ABCC11: variants seen among roughly 807,000 people sequenced by gnomAD.
ABCC11 encodes the protein ATP-binding cassette sub-family C member 11.
In ABCC11, 135 loss-of-function variants were observed where a neutral mutation model predicts 149.3. The observed-to-expected ratio is 0.90, with a 90% CI of 0.79 to 1.04. ABCC11 has a LOEUF of 1.04. Ranked by LOEUF, ABCC11 falls within the 50% of genes least tolerant of loss-of-function variation. ABCC11 has a pLI of 0.00. For missense variants in ABCC11, 1,680 were observed against 1,722.1 expected (o/e 0.98, Z 0.43); for synonymous variants, 665 against 671.4 (o/e 0.99, Z 0.15).
At chr16:48,176,340 A>T (rs548801860) in intron 25 of ABCC11, among the ~76,000 whole-genome samples, 2 of 152,222 alleles carry the variant, frequency 1.3e-5, no homozygotes, top group South Asian at 4.2e-4. Flanking sequence ...AAAGAGGCAG[A>T]GGGAGGGGGA....
intron 6 of ABCC11, among the ~76,000 whole-genome samples, chr16:48,216,913 A>T (rs1452985259): frequency 6.6e-6 from 1 of 152,194 alleles, no homozygotes; most frequent in Non-Finnish European, 1.5e-5. Flanking sequence ...AGATCACTGC[A>T]TATACACAAG....
rs1299235495 is a variant in ABCC11, at chr16:48,176,945, T to C, written c.3517A>G (p.Ile1173Val). Residue 1173 changes from isoleucine to valine, a missense_variant, in exon 25 of 30, where the codon ATC (isoleucine) becomes GTC (valine). Transcript: ENST00000356608. ...TCACCAGAGCCCGTCCTTCCCACGA[T>C]GCCCACCACTTCGTGGCCGCGGATG... The part of the protein sequence containing the change: ...LTIRGHEVVG[I>V]VGRTGSGKSS... 1.9e-6 allele frequency: 3 copies of C among 1,613,882 alleles called. No homozygotes were observed. The highest frequency in any genetic ancestry group is 2.5e-6 in the Non-Finnish European group (3 of 1,180,012).
intron 23 of ABCC11, among the ~76,000 whole-genome samples, chr16:48,179,700 A>G (rs1244003972): frequency 6.6e-6 from 1 of 152,230 alleles, no homozygotes. Context: ...GAAGCCCTGG[A>G]GTGCCACTGG....
At chr16:48,170,748 A>G in intron 27 of ABCC11, 141 bp downstream of exon 27, 1 of 770,602 alleles carries the variant, frequency 1.3e-6, no homozygotes, top group East Asian at 2.5e-5. Flanking sequence ...AGGAATGCCA[A>G]GTCATCTCAT....
In ABCC11 at chr16:48,222,739, G is replaced by A. The variant is rs368063935; in HGVS notation, c.636C>T (p.Ser212=). 9.7e-5 allele frequency: 156 copies of A among 1,614,086 alleles called. No individual in the cohort carries two copies. The highest frequency in any genetic ancestry group is 1.1e-4 in the Non-Finnish European group (135 of 1,180,034). The change falls in exon 6 of 30, where the codon TCC becomes TCT. Residue 212 remains serine, a synonymous_variant. Coordinates refer to ENST00000356608, the MANE Select transcript of ABCC11 (RefSeq NM_001370497.1). ...GVGLCFALFL[S]ECVKSLSFSS... ...AGAAACTCAGAGACTTCACACATTC[G>A]GAGAGAAAAAGGGCAAAGCAGAGTC...
At chr16:48,207,341 G>A (rs1399603300) in intron 12 of ABCC11, among the ~76,000 whole-genome samples, 1 of 152,128 alleles carries the variant, frequency 6.6e-6, no homozygotes, top group African/African-American at 2.4e-5. Context: ...GACCCCAAAG[G>A]ATCTGGGGAA....
At position 48,169,612 on chromosome 16, in the gene ABCC11, T is replaced by C. The variant is rs536596862; in HGVS notation, c.3891+493A>G. ...TAAAAAAGGATGAGTTCATGTCCTT[T>C]GTAGGGACATGGATGAAGCTGGAAA... On this transcript the variant is annotated intron_variant, in intron 28 of 29. Transcript: ENST00000356608. Among the ~76,000 whole-genome samples, 261 of 152,118 alleles carry C rather than the reference T, an allele frequency of 1.7e-3. 2 individuals are homozygous for C. Among genetic ancestry groups the C allele is most frequent in the Middle Eastern group, 0.014 (4 of 294 alleles).
intron 6 of ABCC11, among the ~76,000 whole-genome samples, chr16:48,220,103 G>A (rs1969635541): frequency 6.6e-6 from 1 of 152,218 alleles, no homozygotes; most frequent in African/African-American, 2.4e-5. Flanking sequence ...ATGCTTCTAT[G>A]AAGATGTTTG....
intron 11 of ABCC11, among the ~76,000 whole-genome samples, chr16:48,208,903 C>G (rs534380411): frequency 6.6e-6 from 1 of 152,306 alleles, no homozygotes; most frequent in South Asian, 2.1e-4. Flanking sequence ...TTTATTGAAG[C>G]ATTCATTCAC....
rs1969823256 is a variant in ABCC11 at position 48,222,680 on chromosome 16, A to G, written c.695T>C (p.Ile232Thr). 1.2e-6 allele frequency: 2 copies of G among 1,614,222 alleles called. No homozygotes were observed. Among genetic ancestry groups the G allele is most frequent in the East Asian group, 4.5e-5 (2 of 44,890 alleles). Residue 232 changes from isoleucine (I) to threonine (T), a missense_variant, in exon 6 of 30, where the codon ATC becomes ACC. By Grantham distance (89) the Ile-to-Thr change is moderately conservative (BLOSUM62 -1). Transcript: ENST00000356608. ...SSWIINQRTA[I>T]RFRAAVSSFA... ...GGAGGAAACAGCTGCTCGGAACCTG[A>G]TGGCTGTGCGTTGGTTGATGATCCA...
chr16:48,221,202 CT>C (rs1170296493), intron 6 of ABCC11, among the ~76,000 whole-genome samples: 1 of 152,052 alleles, frequency 6.6e-6, no homozygotes, highest in Non-Finnish European at 1.5e-5. Context: ...TGGAAAGGGG[CT>C]AATAACAGAT....
At chr16:48,243,939 T>C (rs9940038) in intron 1 of ABCC11, among the ~76,000 whole-genome samples, 29,112 of 151,950 alleles carry the variant, frequency 0.19, 3,196 homozygotes, top group African/African-American at 0.3. Context: ...CTGCAAGCCG[T>C]GGGTATCGCG....
At chr16:48,229,452 A>ATT (rs1970285700) in intron 3 of ABCC11, among the ~76,000 whole-genome samples, 2 of 145,202 alleles carry the variant, frequency 1.4e-5, no homozygotes, top group African/African-American at 5.3e-5. Context: ...AAGGCTGGTA[A>ATT]CTTTTTTTTT....
intron 10 of ABCC11, among the ~76,000 whole-genome samples, chr16:48,211,836 G>A (rs1297537589): frequency 6.6e-6 from 1 of 152,232 alleles, no homozygotes; most frequent in Non-Finnish European, 1.5e-5. Flanking sequence ...TAAAGCACAA[G>A]GGTTGAACTA....
intron 18 of ABCC11, 63 bp from the exon 19 acceptor site, chr16:48,194,045 A>G: frequency 8.2e-7 from 1 of 1,225,386 alleles, no homozygotes. Flanking sequence ...CTGCTGACTC[A>G]GCTGCTCGGC....
chr16:48,209,456 G>A (rs1428285986), intron 11 of ABCC11: 1 of 152,242 alleles, frequency 6.6e-6, no homozygotes, highest in African/African-American at 2.4e-5. Context: ...TTCTCATAAG[G>A]AGTGTGCAAC....
At chr16:48,174,243 C>A (rs1965893574) in intron 26 of ABCC11, among the ~76,000 whole-genome samples, 1 of 152,216 alleles carries the variant, frequency 6.6e-6, no homozygotes, top group African/African-American at 2.4e-5. Flanking sequence ...GGAAAATGTA[C>A]ATTCATTAAA....
intron 4 of ABCC11, among the ~76,000 whole-genome samples, chr16:48,226,141 A>G (rs542066192): frequency 8.6e-5 from 13 of 151,810 alleles, no homozygotes; most frequent in Non-Finnish European, 1.5e-4. Context: ...CAGTGGCGCA[A>G]TCTTGGCTCA....
rs374715221 is a variant in ABCC11 at position 48,192,610 on chromosome 16, G to A, written c.2616C>T (p.Leu872=). The A allele has an allele frequency of 1.5e-5, 25 of 1,614,100 alleles. No homozygotes were observed. The highest frequency in any genetic ancestry group is 3.3e-4 in the Middle Eastern group (2 of 6,084). Residue 872 remains leucine (L), a synonymous_variant, in exon 20 of 30, where the codon CTC becomes CTT. Transcript: ENST00000356608. ...YQLVYGLNAL[L]LICVGVCSSG... is the part of the protein sequence containing the mutation. ...AGGAGCAGACCCCCACACAGATGAGGAGCAGGGCGTTGAGCCCGTACACCA... is the reference window on the plus strand; with the variant it reads ...AGGAGCAGACCCCCACACAGATGAGAAGCAGGGCGTTGAGCCCGTACACCA...
Sources: allele counts gnomAD v4.1 joint callset (sites outside exome capture counted in the v4.1 genomes callset), GRCh38; gene constraint gnomAD v4.1.1; transcripts MANE v1.5; gene names NCBI Gene and HGNC (gene_info 2026-07-23, HGNC 2026-07-21).